The following TRIM23 variants were observed in gnomAD, a reference collection of about 807,000 sequenced individuals.
TRIM23 encodes E3 ubiquitin-protein ligase TRIM23.
In TRIM23, 27 loss-of-function variants were observed where a neutral mutation model predicts 71.0. That is an observed-to-expected ratio of 0.38 (90% CI 0.28 to 0.52). The LOEUF (loss-of-function observed/expected upper bound fraction) is 0.52, where lower values mean the gene tolerates loss of function less well. TRIM23 is among the 20% of genes least tolerant of loss of function. The pLI is 0.84. For missense variants in TRIM23, 482 were observed against 692.3 expected, an observed-to-expected ratio of 0.70 and a Z score of 3.41; for synonymous variants, 234 against 238.0, an observed-to-expected ratio of 0.98 and a Z score of 0.16.
intron 6 of TRIM23, 73 bp downstream of exon 6, chr5:65,609,170 C>T: frequency 6.8e-7 from 1 of 1,461,838 alleles, no homozygotes; most frequent in Non-Finnish European, 9.5e-7. Context: ...TAATAAAACA[C>T]ACTAATGTAT....
chr5:65,592,218 C>T (rs1488158125), intron 10 of TRIM23, among the ~76,000 whole-genome samples: 1 of 151,988 alleles, frequency 6.6e-6, no homozygotes, highest in Non-Finnish European at 1.5e-5. Context: ...AGGAAACATA[C>T]TGCCTAAGTA....
Position 65,590,835 on chromosome 5 carries a change from C to G in TRIM23, c.*934G>C. ...ATTTGCCACTGTACTTACAACTTCTCTTGAAGTTCGCTTTCTATTTAGGTC... is the reference window on the plus strand; with the variant it reads ...ATTTGCCACTGTACTTACAACTTCTGTTGAAGTTCGCTTTCTATTTAGGTC... On this transcript the variant is annotated 3_prime_UTR_variant, in exon 11 of 11. Transcript: ENST00000231524. 2 of 985,416 alleles carry G rather than the reference C, an allele frequency of 2.0e-6. No homozygotes were observed. 61.0% of individuals were successfully genotyped at this position (985,416 alleles called of 1,614,324 possible).
chr5:65,591,480 TTGGTCACA>T lies in TRIM23; in HGVS notation c.*281_*288del. On this transcript the variant is annotated 3_prime_UTR_variant, in exon 11 of 11. Coordinates refer to ENST00000231524, the MANE Select transcript of TRIM23 (RefSeq NM_001656.4). ...CTGTGACTACCTCTTTCCCAGTATA[TTGGTCACA>T]TATTATCTGAAAAACTTAAATAACA... The T allele has an allele frequency of 6.3e-7, 1 of 1,591,942 alleles. No individual in the cohort carries two copies. The highest frequency in any genetic ancestry group is 8.5e-7 in the Non-Finnish European group (1 of 1,170,634).
chr5:65,601,819 T>C (rs1754370584), intron 7 of TRIM23, among the ~76,000 whole-genome samples: 1 of 152,204 alleles, frequency 6.6e-6, no homozygotes, highest in South Asian at 2.1e-4. Context: ...GGCTTGGGGA[T>C]TCCACCCTCT....
At chr5:65,623,042 C>T (rs1238444521) in intron 1 of TRIM23, among the ~76,000 whole-genome samples, 2 of 152,116 alleles carry the variant, frequency 1.3e-5, no homozygotes, top group African/African-American at 4.8e-5. Flanking sequence ...ATGCCGTGTA[C>T]CTGTAGAATA....
rs1754927779 is a variant in TRIM23 at position 65,621,113 on chromosome 5, G to GTCCCAA, written c.82-2859_82-2858insTTGGGA. ...CACGCCTGTAATCTCAGCACTTTGG[G>GTCCCAA]AGGCCAAGGCGGGCAGATCACGAGG... On this transcript the variant is annotated intron_variant, in intron 1 of 10. Coordinates refer to ENST00000231524, the MANE Select transcript of TRIM23 (RefSeq NM_001656.4). Among the ~76,000 whole-genome samples the GTCCCAA allele has an allele frequency of 2.0e-5, 3 of 152,174 alleles. 1 individual carries two copies. The South Asian group carries it at 6.2e-4, about 31-fold the overall frequency.
chr5:65,614,414 C>A (rs1754729832), intron 2 of TRIM23, among the ~76,000 whole-genome samples, 195 bp from the exon 3 acceptor site: 1 of 152,154 alleles, frequency 6.6e-6, no homozygotes, highest in Non-Finnish European at 1.5e-5. Flanking sequence ...ATCCTTCAGC[C>A]TTCCAAGTAG....
At chr5:65,610,763 T>C in intron 5 of TRIM23, 98 bp downstream of exon 5, 1 of 1,038,500 alleles carries the variant, frequency 9.6e-7, no homozygotes, top group Middle Eastern at 2.2e-4. Context: ...ATTGGTGCAA[T>C]ACTGGCAAAT....
At chr5:65,618,850 T>G (rs1754843039) in intron 1 of TRIM23, among the ~76,000 whole-genome samples, 1 of 152,234 alleles carries the variant, frequency 6.6e-6, no homozygotes, top group African/African-American at 2.4e-5. Context: ...AATATAGCTC[T>G]GAATTAGAAA....
intron 7 of TRIM23, among the ~76,000 whole-genome samples, chr5:65,601,061 C>T (rs2150626499): frequency 6.6e-6 from 1 of 152,270 alleles, no homozygotes; most frequent in East Asian, 1.9e-4. Flanking sequence ...ATGGTGCAAC[C>T]ATTATGGAAA....
intron 6 of TRIM23, among the ~76,000 whole-genome samples, chr5:65,608,428 C>CT (rs1754562243): frequency 6.6e-6 from 1 of 152,164 alleles, no homozygotes. Flanking sequence ...TAACCCAAGA[C>CT]TGATGAGGCT....
At position 65,604,998 on chromosome 5, in the gene TRIM23, C is replaced by T. The variant is rs528256620; in HGVS notation, c.1092G>A (p.Leu364=). The change falls in exon 7 of 11, where the codon CTG becomes CTA. Residue 364 remains leucine, a synonymous_variant. Coordinates refer to ENST00000231524, the MANE Select transcript of TRIM23 (RefSeq NM_001656.4). ...GCTGCTGCTGTTTCTGCAATGTTTCCAGTAACCTTGTAATTTCCTGTTTTG... is the reference window on the plus strand; with the variant it reads ...GCTGCTGCTGTTTCTGCAATGTTTCTAGTAACCTTGTAATTTCCTGTTTTG... The part of the protein sequence containing the change: ...VLAKQEITRL[L]ETLQKQQQQF... 1.2e-6 allele frequency: 2 copies of T among 1,613,886 alleles called. No homozygotes were observed. The highest frequency in any genetic ancestry group is 2.2e-5 in the South Asian group (2 of 91,068).
intron 3 of TRIM23, among the ~76,000 whole-genome samples, chr5:65,612,497 G>A (rs912972980): frequency 2.6e-5 from 4 of 151,646 alleles, no homozygotes; most frequent in Non-Finnish European, 4.4e-5. Context: ...GCACAATCAC[G>A]GCAGAAAACC....
chr5:65,609,550 A>T, intron 5 of TRIM23, 92 bp from the exon 6 acceptor site: 1 of 1,330,208 alleles, frequency 7.5e-7, no homozygotes, highest in Non-Finnish European at 1.0e-6. Flanking sequence ...GCAACATGGC[A>T]AAACTCTGTC....
At chr5:65,623,420 A>G in intron 1 of TRIM23, among the ~76,000 whole-genome samples, 1 of 152,184 alleles carries the variant, frequency 6.6e-6, no homozygotes, top group Admixed American at 6.5e-5. Context: ...CTATAAACCA[A>G]TGGGATCAGT....
chr5:65,619,956 C>T (rs541471373), intron 1 of TRIM23, among the ~76,000 whole-genome samples: 41 of 152,134 alleles, frequency 2.7e-4, no homozygotes, highest in Middle Eastern at 6.8e-3. Context: ...TAGTGGTGGG[C>T]GCCTGTAAGC....
intron 3 of TRIM23, among the ~76,000 whole-genome samples, chr5:65,613,049 T>C (rs942502186): frequency 1.3e-5 from 2 of 152,104 alleles, no homozygotes; most frequent in Non-Finnish European, 2.9e-5. Context: ...AAAATAAAAA[T>C]GTTTAAATAC....
At position 65,591,284 on chromosome 5, in the gene TRIM23, T is replaced by G; in HGVS notation, c.*485A>C. 1 of 1,367,690 alleles carries G rather than the reference T, an allele frequency of 7.3e-7. No individual in the cohort carries two copies. The highest frequency in any genetic ancestry group is 9.4e-7 in the Non-Finnish European group (1 of 1,062,602). 84.7% of individuals were successfully genotyped at this position (1,367,690 alleles called of 1,614,324 possible). On this transcript the variant is annotated 3_prime_UTR_variant, in exon 11 of 11. Coordinates refer to ENST00000231524, the MANE Select transcript of TRIM23 (RefSeq NM_001656.4). ...TATTATCCAAATATGTAGTTTGGAT[T>G]CTATTTCATTAAGCAACTGTCATTT...
chr5:65,620,355 T>C (rs748341507), intron 1 of TRIM23, among the ~76,000 whole-genome samples: 1 of 152,198 alleles, frequency 6.6e-6, no homozygotes, highest in Non-Finnish European at 1.5e-5. Flanking sequence ...ATCTGTATGT[T>C]ACTCCTTAAA....
Sources: gnomAD v4.1 joint callset for allele counts (sites outside exome capture counted in the v4.1 genomes callset) on GRCh38, gnomAD v4.1.1 for gene constraint, MANE v1.5 for transcripts, NCBI Gene and HGNC (gene_info 2026-07-23, HGNC 2026-07-21) for gene names.